Variants in SLC4A10 observed in about 807,000 individuals in gnomAD.
The protein encoded by SLC4A10 is sodium-driven chloride bicarbonate exchanger.
SLC4A10 carries 42 observed loss-of-function variants against 137.7 expected under a neutral mutation model. That is an observed-to-expected ratio of 0.30 (90% CI 0.24 to 0.39). SLC4A10 has a LOEUF of 0.39. Ranked by LOEUF, SLC4A10 falls within the 10% of genes least tolerant of loss-of-function variation. SLC4A10 has a pLI of 1.00. For missense variants in SLC4A10, 925 were observed against 1,355.0 expected (o/e 0.68, Z 4.98); for synonymous variants, 474 against 464.1 (o/e 1.02, Z -0.27).
chr2:161,875,297 C>T (rs2061394479), intron 8 of SLC4A10, among the ~76,000 whole-genome samples: 2 of 152,028 alleles, frequency 1.3e-5, no homozygotes, highest in South Asian at 2.1e-4. Context: ...CAGAATTCAC[C>T]TAGTCTCCAG....
chr2:161,817,218 C>T (rs970372392), intron 3 of SLC4A10, among the ~76,000 whole-genome samples: 1 of 152,220 alleles, frequency 6.6e-6, no homozygotes, highest in Non-Finnish European at 1.5e-5. Flanking sequence ...ATTTGCATTT[C>T]TCTGATGGCC....
chr2:161,756,545 C>T (rs1034064786), intron 1 of SLC4A10, among the ~76,000 whole-genome samples: 4 of 152,190 alleles, frequency 2.6e-5, no homozygotes, highest in African/African-American at 9.7e-5. Context: ...CTGTTCCACA[C>T]AGTCACTCAG....
rs557687102 is a variant in SLC4A10, at chr2:161,656,048, G to A, written c.48+31482G>A. ...AGGCTGGTCTCAAACTCCTGACCTC[G>A]TGATCCAACCCCCTCGGCCTCCCAA... On this transcript the variant is annotated intron_variant, in intron 1 of 26. Coordinates refer to ENST00000446997, the MANE Select transcript of SLC4A10 (RefSeq NM_001178015.2). Among the ~76,000 whole-genome samples the A allele has an allele frequency of 3.9e-5, 6 of 152,066 alleles. No individual in the cohort carries two copies. In the East Asian group the frequency reaches 5.8e-4, roughly 15 times the overall value.
At chr2:161,719,869 C>A (rs2045424525) in intron 1 of SLC4A10, among the ~76,000 whole-genome samples, 1 of 151,882 alleles carries the variant, frequency 6.6e-6, no homozygotes, top group African/African-American at 2.4e-5. Flanking sequence ...ATGGTAGTTT[C>A]TTTTGCTGTG....
intron 15 of SLC4A10, among the ~76,000 whole-genome samples, chr2:161,927,581 G>GA (rs1689406333): frequency 6.6e-6 from 1 of 152,142 alleles, no homozygotes; most frequent in African/African-American, 2.4e-5. Flanking sequence ...AGAGTGAACA[G>GA]GCAACCTACA....
chr2:161,856,035 C>T (rs942456557), intron 5 of SLC4A10, among the ~76,000 whole-genome samples: 3 of 152,016 alleles, frequency 2.0e-5, no homozygotes, highest in Admixed American at 2.0e-4. Context: ...CTACTTTAAT[C>T]TGCAGAACAG....
In SLC4A10 at chr2:161,633,565, G is replaced by C. The variant is rs180944405; in HGVS notation, c.48+8999G>C. ...ATGGTAATAATATATCTATCTCCCA[G>C]GTTTGTGAGAAGCAATGAAAAAAAT... On this transcript the variant is annotated intron_variant, in intron 1 of 26. Coordinates refer to ENST00000446997, the MANE Select transcript of SLC4A10 (RefSeq NM_001178015.2). Among the ~76,000 whole-genome samples, 7 of 151,642 alleles carry C rather than the reference G, an allele frequency of 4.6e-5. No individual in the cohort carries two copies. In the East Asian group the frequency reaches 9.7e-4, roughly 21 times the overall value.
rs148177897 is a variant in SLC4A10, at chr2:161,786,044, A to G, written c.130+14990A>G. ...TTGAAGTCCTCCACTGTTATTGTAT[A>G]TCTGTCTGTCTCTTTTCTGAGGTCT... is the stretch of plus-strand genomic sequence containing the variant. On this transcript the variant is annotated intron_variant, in intron 2 of 26. Coordinates refer to ENST00000446997, the MANE Select transcript of SLC4A10 (RefSeq NM_001178015.2). Among the ~76,000 whole-genome samples the G allele has an allele frequency of 1.0e-3, 151 of 151,444 alleles. 1 individual carries two copies. In the South Asian group the frequency reaches 0.013, roughly 13 times the overall value.
chr2:161,684,295 GA>G (rs1187147436), intron 1 of SLC4A10, among the ~76,000 whole-genome samples: 1 of 152,168 alleles, frequency 6.6e-6, no homozygotes, highest in African/African-American at 2.4e-5. Flanking sequence ...TCTGCTGACA[GA>G]AATTTGGGTT....
intron 1 of SLC4A10, among the ~76,000 whole-genome samples, chr2:161,701,238 A>T (rs1035535084): frequency 6.6e-6 from 1 of 151,970 alleles, no homozygotes; most frequent in African/African-American, 2.4e-5. Flanking sequence ...GTGAGTTTTG[A>T]GGGTTTCTAG....
At chr2:161,937,939 T>C (rs531222692) in intron 15 of SLC4A10, among the ~76,000 whole-genome samples, 1 of 152,158 alleles carries the variant, frequency 6.6e-6, no homozygotes, top group East Asian at 1.9e-4. Context: ...CAAATTCATA[T>C]GCTGAAGCCC....
intron 9 of SLC4A10, among the ~76,000 whole-genome samples, chr2:161,882,139 A>C (rs2061841562): frequency 6.6e-6 from 1 of 150,776 alleles, no homozygotes; most frequent in Non-Finnish European, 1.5e-5. Context: ...AAAAAAAAAA[A>C]ACACGGAAAA....
chr2:161,928,305 A>G (rs1689599196), intron 15 of SLC4A10, among the ~76,000 whole-genome samples: 1 of 144,498 alleles, frequency 6.9e-6, no homozygotes, highest in East Asian at 2.1e-4. Flanking sequence ...TCTCACTCAT[A>G]GGCGGGAATT....
intron 1 of SLC4A10, among the ~76,000 whole-genome samples, chr2:161,759,268 T>C (rs1205390500): frequency 6.6e-6 from 1 of 152,010 alleles, no homozygotes; most frequent in Admixed American, 6.6e-5. Context: ...TGTATAATGA[T>C]TACCACAATC....
At chr2:161,633,291 G>A (rs1038303142) in intron 1 of SLC4A10, among the ~76,000 whole-genome samples, 7 of 151,794 alleles carry the variant, frequency 4.6e-5, no homozygotes, top group South Asian at 4.1e-4. Context: ...TGCCTCAATC[G>A]GTGGCTGGAT....
intron 15 of SLC4A10, among the ~76,000 whole-genome samples, chr2:161,911,434 G>A (rs1685826403): frequency 6.6e-6 from 1 of 152,000 alleles, no homozygotes; most frequent in Non-Finnish European, 1.5e-5. Flanking sequence ...GGTGATAGAT[G>A]TGGGGAGAAA....
At chr2:161,886,309 A>G (rs796733309) in intron 10 of SLC4A10, among the ~76,000 whole-genome samples, 7 of 152,314 alleles carry the variant, frequency 4.6e-5, no homozygotes, top group African/African-American at 1.7e-4. Flanking sequence ...GAAGAAATAC[A>G]CATGAAATGA....
chr2:161,781,604 G>A (rs2053025047), intron 2 of SLC4A10, among the ~76,000 whole-genome samples: 1 of 151,984 alleles, frequency 6.6e-6, no homozygotes, highest in African/African-American at 2.4e-5. Context: ...GTTTAGTGCT[G>A]CTAGTGTTTA....
intron 6 of SLC4A10, among the ~76,000 whole-genome samples, chr2:161,870,102 A>G (rs2061021060): frequency 6.6e-6 from 1 of 151,174 alleles, no homozygotes; most frequent in African/African-American, 2.4e-5. Context: ...TTGTTTTAGA[A>G]CAAGAATAGC....
Sources: gnomAD v4.1 joint callset for allele counts (sites outside exome capture counted in the v4.1 genomes callset) on GRCh38, gnomAD v4.1.1 for gene constraint, MANE v1.5 for transcripts, NCBI Gene and HGNC (gene_info 2026-07-23, HGNC 2026-07-21) for gene names.